TNRC6C: variants seen among roughly 807,000 people sequenced by gnomAD.
TNRC6C encodes the protein trinucleotide repeat containing adaptor 6C, also known as trinucleotide repeat-containing gene 6C protein.
TNRC6C carries 20 observed loss-of-function variants against 153.7 expected under a neutral mutation model. That is an observed-to-expected ratio of 0.13 (90% CI 0.09 to 0.19). The LOEUF (loss-of-function observed/expected upper bound fraction) is 0.19, where lower values mean the gene tolerates loss of function less well. TNRC6C is among the 10% of genes least tolerant of loss of function. TNRC6C has a pLI of 1.00. For missense variants in TNRC6C, 1,987 were observed against 2,172.0 expected, an observed-to-expected ratio of 0.91 and a Z score of 1.69; for synonymous variants, 811 against 841.4, an observed-to-expected ratio of 0.96 and a Z score of 0.63.
chr17:78,076,502 A>G (rs1053291334), intron 8 of TNRC6C, among the ~76,000 whole-genome samples: 1 of 152,158 alleles, frequency 6.6e-6, no homozygotes, highest in Non-Finnish European at 1.5e-5. Flanking sequence ...ATGTGAAATC[A>G]TACTGTTTAA....
chr17:78,019,568 T>C (rs1239488206), intron 1 of TNRC6C, among the ~76,000 whole-genome samples: 1 of 152,254 alleles, frequency 6.6e-6, no homozygotes, highest in Non-Finnish European at 1.5e-5. Context: ...CACCAGCAGA[T>C]GTCACCCTCA....
chr17:77,993,930 C>T (rs1053410427), intron 1 of TNRC6C, among the ~76,000 whole-genome samples: 5 of 151,964 alleles, frequency 3.3e-5, no homozygotes, highest in Non-Finnish European at 7.4e-5. Context: ...CCGTGTCTCC[C>T]GCCTGAAATT....
chr17:78,011,747 A>G (rs558561219), intron 1 of TNRC6C, among the ~76,000 whole-genome samples: 31 of 152,336 alleles, frequency 2.0e-4, no homozygotes, highest in African/African-American at 7.0e-4. Context: ...TCATTTTTCA[A>G]GAAATTGCAC....
chr17:78,091,582 C>A (rs369444379), exon 14 of TNRC6C: 9 of 1,575,056 alleles, frequency 5.7e-6, no homozygotes, highest in Admixed American at 1.8e-5. Flanking sequence ...CCGCTTCCCC[C>A]CTGGAGCAGA....
intron 2 of TNRC6C, among the ~76,000 whole-genome samples, chr17:78,043,214 G>GTGGGC (rs753251635): frequency 9.9e-5 from 15 of 152,194 alleles, no homozygotes; most frequent in African/African-American, 3.6e-4. Context: ...TGAAACTTCA[G>GTGGGC]TGGGCTGGGC....
At chr17:78,051,479 G>GT (rs1491313709) in intron 3 of TNRC6C, 31 bp downstream of exon 5, 1 of 692,112 alleles carries the variant, frequency 1.4e-6, no homozygotes, top group Non-Finnish European at 1.8e-6. Context: ...TTCTTTACAA[G>GT]TAAAAAAAAA....
At chr17:78,022,590 C>T (rs1017713958) in intron 1 of TNRC6C, among the ~76,000 whole-genome samples, 5 of 152,110 alleles carry the variant, frequency 3.3e-5, no homozygotes, top group Middle Eastern at 3.2e-3. Context: ...CATATCATCT[C>T]GGTTGCCTGA....
chr17:78,050,606 C>G, exon 3 of TNRC6C: 1 of 1,582,216 alleles, frequency 6.3e-7, no homozygotes, highest in Non-Finnish European at 8.6e-7. Context: ...GCGCCACCTG[C>G]CGCTGTGCCA....
intron 2 of TNRC6C, among the ~76,000 whole-genome samples, chr17:78,046,817 C>G (rs575031206): frequency 6.6e-6 from 1 of 152,168 alleles, no homozygotes. Flanking sequence ...CATTTATTAG[C>G]CACCAGCTTA....
intron 1 of TNRC6C, among the ~76,000 whole-genome samples, chr17:77,983,504 A>T (rs1474360797): frequency 6.6e-6 from 1 of 152,194 alleles, no homozygotes; most frequent in Non-Finnish European, 1.5e-5. Flanking sequence ...TAGAGACAAA[A>T]TGAAAAACTG....
intron 2 of TNRC6C, among the ~76,000 whole-genome samples, chr17:78,039,051 G>A (rs867831674): frequency 7.9e-5 from 12 of 152,284 alleles, no homozygotes; most frequent in South Asian, 4.1e-4. Context: ...CTTTACTGAC[G>A]ACTGAATGCT....
Position 78,082,680 on chromosome 17 carries a change from T to C in TNRC6C, c.3358-367T>C, listed in dbSNP as rs1051665570. 5.3e-5 allele frequency among the ~76,000 whole-genome samples: 8 copies of C among 151,814 alleles called. No homozygotes were observed. The South Asian group carries it at 1.7e-3, about 31-fold the overall frequency. On this transcript the variant is annotated intron_variant, in intron 10 of 19. Transcript: ENST00000301624. ...CAGGCGCCCCTCATGCATCCATTTATAGGCTCTCCCCAAGGGTCGCATTCC... is the reference window on the plus strand; with the variant it reads ...CAGGCGCCCCTCATGCATCCATTTACAGGCTCTCCCCAAGGGTCGCATTCC...
intron 3 of TNRC6C, among the ~76,000 whole-genome samples, chr17:78,054,377 C>T (rs1038688815): frequency 6.6e-6 from 1 of 151,562 alleles, no homozygotes; most frequent in African/African-American, 2.4e-5. Flanking sequence ...GACTACTGTA[C>T]ACTACTGGAG....
intron 16 of TNRC6C, among the ~76,000 whole-genome samples, chr17:78,094,382 T>G (rs568596902): frequency 1.8e-4 from 28 of 152,254 alleles, no homozygotes. Context: ...AACATTGAAT[T>G]TCCCACTTGA....
chr17:78,093,060 C>A (rs747480228), exon 15 of TNRC6C: 1 of 1,613,746 alleles, frequency 6.2e-7, no homozygotes, highest in East Asian at 2.2e-5. Context: ...TTCCCCATAG[C>A]TGGTCACGTG....
chr17:78,006,496 TTC>T (rs1567910755), intron 1 of TNRC6C, among the ~76,000 whole-genome samples: 137 of 7,470 alleles, frequency 0.018, no homozygotes, highest in East Asian at 0.026. Context: ...TTCTTCTTTC[TTC>T]TTCTTCTTCT....
chr17:78,054,675 G>C (rs564068071), intron 3 of TNRC6C, among the ~76,000 whole-genome samples: 2 of 138,950 alleles, frequency 1.4e-5, no homozygotes, highest in African/African-American at 5.5e-5. Context: ...TACGCTACTG[G>C]AGACTACTGC....
intron 1 of TNRC6C, among the ~76,000 whole-genome samples, chr17:77,963,658 A>C (rs900864284): frequency 4.6e-5 from 7 of 152,234 alleles, no homozygotes; most frequent in Non-Finnish European, 1.0e-4. Context: ...TCACTGCTGT[A>C]GCACAGATAG....
chr17:77,964,548 G>T (rs1489041852), intron 1 of TNRC6C, among the ~76,000 whole-genome samples: 1 of 152,182 alleles, frequency 6.6e-6, no homozygotes, highest in African/African-American at 2.4e-5. Context: ...CTTGGTTTGA[G>T]CCTGGCAAAG....
Sources: gnomAD v4.1 joint callset for allele counts (sites outside exome capture counted in the v4.1 genomes callset) on GRCh38, gnomAD v4.1.1 for gene constraint, MANE v1.5 for transcripts, NCBI Gene and HGNC (gene_info 2026-07-23, HGNC 2026-07-21) for gene names.